Variants in CDH12 observed in about 807,000 individuals in gnomAD.
The protein encoded by CDH12 is cadherin 12.
In CDH12, 41 loss-of-function variants were observed where a neutral mutation model predicts 74.1. The ratio of observed to expected loss-of-function variants is 0.55; its 90% confidence interval spans 0.43 to 0.72. The LOEUF is 0.72. Among genes scored for constraint, CDH12 ranks in the 30% least tolerant of loss-of-function variants. The pLI is 0.00. For synonymous variants in CDH12, 399 were observed against 355.0 expected (o/e 1.12, Z -1.39); for missense variants, 945 against 977.2 (o/e 0.97, Z 0.44).
intron 6 of CDH12, among the ~76,000 whole-genome samples, chr5:21,881,008 C>A (rs1311053739): frequency 1.3e-5 from 2 of 152,006 alleles, no homozygotes; most frequent in African/African-American, 4.8e-5. Context: ...TCTTTAGCTA[C>A]CCCTCGGGGA....
At chr5:22,675,121 C>T (rs902951984) in intron 1 of CDH12, among the ~76,000 whole-genome samples, 26 of 152,062 alleles carry the variant, frequency 1.7e-4, no homozygotes, top group African/African-American at 6.3e-4. Flanking sequence ...CAGAAGAGAC[C>T]TTTGAGGAAG....
chr5:22,776,917 G>A (rs938569362), intron 1 of CDH12, among the ~76,000 whole-genome samples: 11 of 152,132 alleles, frequency 7.2e-5, no homozygotes, highest in Non-Finnish European at 4.4e-5. Flanking sequence ...TATAGAACAT[G>A]TTTGAATTAT....
intron 8 of CDH12, among the ~76,000 whole-genome samples, chr5:21,839,406 G>A (rs1425621654): frequency 6.6e-6 from 1 of 151,954 alleles, no homozygotes; most frequent in Non-Finnish European, 1.5e-5. Flanking sequence ...AACAGAAATT[G>A]TTCACCTTTA....
At chr5:22,460,595 G>T (rs1332792218) in intron 2 of CDH12, among the ~76,000 whole-genome samples, 1 of 151,482 alleles carries the variant, frequency 6.6e-6, no homozygotes, top group Non-Finnish European at 1.5e-5. Context: ...AGATGTTTAA[G>T]AAGTTCCATA....
intron 1 of CDH12, among the ~76,000 whole-genome samples, chr5:22,546,859 T>G (rs1293204556): frequency 6.6e-6 from 1 of 152,266 alleles, no homozygotes; most frequent in East Asian, 1.9e-4. Flanking sequence ...TTTTTCAGTA[T>G]TACAAAAAGC....
At chr5:22,747,174 A>G (rs1311915262) in intron 1 of CDH12, among the ~76,000 whole-genome samples, 1 of 152,196 alleles carries the variant, frequency 6.6e-6, no homozygotes, top group Admixed American at 6.5e-5. Context: ...TAATTTTTAT[A>G]TAAGAAAAAT....
intron 10 of CDH12, among the ~76,000 whole-genome samples, chr5:21,800,087 C>T (rs1357507851): frequency 1.3e-5 from 2 of 152,144 alleles, no homozygotes; most frequent in African/African-American, 4.8e-5. Flanking sequence ...CCTCTTTCTA[C>T]ATCTTGGAAT....
At chr5:22,404,062 A>G (rs1479290613) in intron 3 of CDH12, among the ~76,000 whole-genome samples, 2 of 152,184 alleles carry the variant, frequency 1.3e-5, no homozygotes, top group African/African-American at 4.8e-5. Flanking sequence ...CAATTGTAGT[A>G]TTCTTCACAA....
intron 5 of CDH12, among the ~76,000 whole-genome samples, chr5:22,016,932 A>G (rs769529382): frequency 6.6e-6 from 1 of 152,030 alleles, no homozygotes; most frequent in Non-Finnish European, 1.5e-5. Context: ...TTTCTGTGCT[A>G]TACTCCTTCT....
At chr5:21,801,325 G>C (rs1302124850) in intron 10 of CDH12, among the ~76,000 whole-genome samples, 1 of 152,018 alleles carries the variant, frequency 6.6e-6, no homozygotes, top group South Asian at 2.1e-4. Context: ...TCTTATTTTG[G>C]TTCTTGCATA....
chr5:22,648,606 A>G (rs1361923600), intron 1 of CDH12, among the ~76,000 whole-genome samples: 1 of 151,880 alleles, frequency 6.6e-6, no homozygotes, highest in Non-Finnish European at 1.5e-5. Flanking sequence ...AGGTTTAAAT[A>G]AAACTTAAAA....
chr5:22,385,266 A>C (rs2126399049), intron 3 of CDH12, among the ~76,000 whole-genome samples: 1 of 152,312 alleles, frequency 6.6e-6, no homozygotes, highest in Admixed American at 6.5e-5. Context: ...AGATTGGTTA[A>C]AGCTTAATAT....
rs141042641 is a variant in CDH12 at position 22,379,620 on chromosome 5, G to C, written c.-333+25637C>G. ...CTCCTGTGCAATTCTAATTCTTCTG[G>C]TCCTAATTTATTTCCTTAACAATGA... On this transcript the variant is annotated intron_variant, in intron 3 of 14. Transcript: ENST00000382254. 6.8e-4 allele frequency among the ~76,000 whole-genome samples: 104 copies of C among 152,160 alleles called. 1 individual carries two copies. In the East Asian group the frequency reaches 0.017, roughly 25 times the overall value.
At chr5:22,363,171 A>C (rs1740892728) in intron 3 of CDH12, among the ~76,000 whole-genome samples, 1 of 152,148 alleles carries the variant, frequency 6.6e-6, no homozygotes, top group South Asian at 2.1e-4. Context: ...GATTGTAAAA[A>C]GAAAAATTGG....
At chr5:22,797,839 T>C (rs1158379706) in intron 1 of CDH12, among the ~76,000 whole-genome samples, 1 of 152,198 alleles carries the variant, frequency 6.6e-6, no homozygotes, top group Non-Finnish European at 1.5e-5. Context: ...TTTTAGAAAA[T>C]GTGGGTTTAT....
intron 2 of CDH12, among the ~76,000 whole-genome samples, chr5:22,497,932 C>A (rs142626654): frequency 6.6e-6 from 1 of 152,048 alleles, no homozygotes; most frequent in African/African-American, 2.4e-5. Flanking sequence ...GATGAGCCAG[C>A]GTGAGCCACC....
At chr5:22,654,198 TTTTCTTTC>T (rs748236994) in intron 1 of CDH12, among the ~76,000 whole-genome samples, 1 of 150,200 alleles carries the variant, frequency 6.7e-6, no homozygotes, top group Non-Finnish European at 1.5e-5. Context: ...TCTTTCTTTC[TTTTCTTTC>T]TTTCTTTCTT....
At chr5:22,099,558 G>C (rs1744013887) in intron 4 of CDH12, among the ~76,000 whole-genome samples, 1 of 151,986 alleles carries the variant, frequency 6.6e-6, no homozygotes, top group Non-Finnish European at 1.5e-5. Context: ...CTTAGACTGT[G>C]CCCCAAGAAA....
chr5:22,649,425 G>C (rs1011292872), intron 1 of CDH12, among the ~76,000 whole-genome samples: 1 of 152,006 alleles, frequency 6.6e-6, no homozygotes, highest in Non-Finnish European at 1.5e-5. Flanking sequence ...ACACAGGAGA[G>C]TGGGAGAGCA....
Sources: allele counts gnomAD v4.1 joint callset (sites outside exome capture counted in the v4.1 genomes callset), GRCh38; gene constraint gnomAD v4.1.1; transcripts MANE v1.5; gene names NCBI Gene and HGNC (gene_info 2026-07-23, HGNC 2026-07-21).